CCDC169: variants seen among roughly 807,000 people sequenced by gnomAD.
The protein encoded by CCDC169 is coiled-coil domain-containing protein 169.
In CCDC169, 30 loss-of-function variants were observed where a neutral mutation model predicts 36.0. That is an observed-to-expected ratio of 0.83 (90% CI 0.62 to 1.13). CCDC169 has a LOEUF of 1.13. CCDC169 is among the 50% of genes most tolerant of loss of function. The pLI is 0.00. For synonymous variants in CCDC169, 85 were observed against 81.5 expected (o/e 1.04, Z -0.23); for missense variants, 245 against 245.9 (o/e 1.00, Z 0.03).
chr13:36,253,736 A>T (rs1463257633), intron 6 of CCDC169, 67 bp downstream of exon 6: 1 of 1,508,822 alleles, frequency 6.6e-7, no homozygotes, highest in East Asian at 2.5e-5. Context: ...AACAAAACCT[A>T]GAAAAGTGAA....
chr13:36,259,868 C>T (rs1243443549), intron 4 of CCDC169, among the ~76,000 whole-genome samples: 6 of 152,234 alleles, frequency 3.9e-5, no homozygotes, highest in African/African-American at 7.2e-5. Flanking sequence ...CAGACTCCCA[C>T]CAGGTGGTGG....
chr13:36,286,487 G>A (rs561295526), intron 2 of CCDC169, among the ~76,000 whole-genome samples: 4 of 152,264 alleles, frequency 2.6e-5, no homozygotes, highest in African/African-American at 9.6e-5. Flanking sequence ...TTGCCTGGGG[G>A]AGCCATTTGA....
downstream of CCDC169, chr13:36,224,195 T>A (rs1218191504): frequency 6.6e-6 from 1 of 152,156 alleles, no homozygotes; most frequent in East Asian, 1.9e-4. Flanking sequence ...TGTAATGCTC[T>A]CATCATTATT....
chr13:36,290,532 T>C (rs1406003787), intron 2 of CCDC169, among the ~76,000 whole-genome samples: 1 of 152,016 alleles, frequency 6.6e-6, no homozygotes, highest in Admixed American at 6.6e-5. Flanking sequence ...ATCGCAGAAG[T>C]GTATCATTGT....
At chr13:36,238,298 GCT>G (rs1871326748) in intron 7 of CCDC169, among the ~76,000 whole-genome samples, 1 of 152,048 alleles carries the variant, frequency 6.6e-6, no homozygotes, top group Admixed American at 6.6e-5. Context: ...ATGGGGTCTG[GCT>G]CTGTTGCCCA....
At chr13:36,253,739 A>G in intron 6 of CCDC169, 64 bp downstream of exon 6, 2 of 1,511,062 alleles carry the variant, frequency 1.3e-6, no homozygotes, top group Admixed American at 2.5e-5. Flanking sequence ...AAAACCTAGA[A>G]AAGTGAAAAA....
At chr13:36,290,405 G>A (rs1344766704) in intron 2 of CCDC169, among the ~76,000 whole-genome samples, 1 of 152,032 alleles carries the variant, frequency 6.6e-6, no homozygotes, top group African/African-American at 2.4e-5. Context: ...TTCCTTTCCT[G>A]TAACTGTCAG....
At chr13:36,290,842 A>G (rs890526323) in intron 2 of CCDC169, among the ~76,000 whole-genome samples, 1 of 152,118 alleles carries the variant, frequency 6.6e-6, no homozygotes, top group South Asian at 2.1e-4. Flanking sequence ...TTTGACTCTA[A>G]GTTCCTTGGC....
chr13:36,268,459 T>C (rs1875615700), intron 4 of CCDC169, among the ~76,000 whole-genome samples: 1 of 152,150 alleles, frequency 6.6e-6, no homozygotes, highest in East Asian at 1.9e-4. Context: ...AAACCTCTAG[T>C]ATACAGCAAA....
downstream of CCDC169, among the ~76,000 whole-genome samples, chr13:36,228,700 G>A (rs1870107394): frequency 6.6e-6 from 1 of 152,074 alleles, no homozygotes; most frequent in Non-Finnish European, 1.5e-5. Context: ...ACAGGCACGT[G>A]TCACCACAAC....
intron 4 of CCDC169, among the ~76,000 whole-genome samples, chr13:36,269,327 A>G (rs546747066): frequency 6.6e-6 from 1 of 152,338 alleles, no homozygotes; most frequent in African/African-American, 2.4e-5. Context: ...ATGGATTCAC[A>G]GCTAAATTCT....
At chr13:36,296,220 T>C (rs981653445) in intron 1 of CCDC169, among the ~76,000 whole-genome samples, 3 of 152,218 alleles carry the variant, frequency 2.0e-5, no homozygotes, top group Non-Finnish European at 4.4e-5. Flanking sequence ...GCCTCCTGAA[T>C]AGCTGGGATT....
chr13:36,267,507 T>C (rs1331134087), intron 4 of CCDC169, among the ~76,000 whole-genome samples: 1 of 152,084 alleles, frequency 6.6e-6, no homozygotes, highest in Non-Finnish European at 1.5e-5. Flanking sequence ...ACAGAACCTC[T>C]TGAAACCTTA....
chr13:36,231,085 T>C lies in CCDC169; in HGVS notation c.*108A>G. On this transcript the variant is annotated 3_prime_UTR_variant, in exon 8 of 8. Coordinates refer to ENST00000239859, the MANE Select transcript of CCDC169 (RefSeq NM_001144981.3). The stretch of plus-strand genomic sequence containing the variant: ...AGGAACTAAAGAAAAATGTGGCAGT[T>C]CTTATCTATTTTATTCCCTGAAGAA... The C allele has an allele frequency of 6.9e-7, 1 of 1,442,454 alleles. No homozygotes were observed. Among genetic ancestry groups the C allele is most frequent in the Non-Finnish European group, 9.1e-7 (1 of 1,101,674 alleles). 89.4% of individuals were successfully genotyped at this position (1,442,454 alleles called of 1,614,324 possible).
chr13:36,251,013 G>C (rs1951454695), intron 6 of CCDC169, among the ~76,000 whole-genome samples: 1 of 152,178 alleles, frequency 6.6e-6, no homozygotes, highest in African/African-American at 2.4e-5. Flanking sequence ...ATTATGTGCT[G>C]CAAAAAGCTC....
At chr13:36,250,120 A>G (rs1872967498) in intron 6 of CCDC169, among the ~76,000 whole-genome samples, 2 of 152,218 alleles carry the variant, frequency 1.3e-5, no homozygotes, top group Admixed American at 1.3e-4. Flanking sequence ...GTGCTTTGCA[A>G]GCATACAGGA....
At chr13:36,271,656 A>C (rs186589996) in intron 4 of CCDC169, among the ~76,000 whole-genome samples, 16 of 152,304 alleles carry the variant, frequency 1.1e-4, no homozygotes, top group Non-Finnish European at 2.9e-5. Flanking sequence ...GTAACACAGG[A>C]GTAGAAAACC....
downstream of CCDC169, chr13:36,224,549 A>G (rs1464815490): frequency 6.6e-6 from 1 of 152,162 alleles, no homozygotes; most frequent in Non-Finnish European, 1.5e-5. Flanking sequence ...ACATACACAA[A>G]GACATACACA....
At chr13:36,254,271 TG>T in intron 4 of CCDC169, 128 bp from the exon 5 acceptor site, 1 of 462,012 alleles carries the variant, frequency 2.2e-6, no homozygotes. Context: ...TTCTATGATA[TG>T]TACTTTTTTT....
Sources: allele counts gnomAD v4.1 joint callset (sites outside exome capture counted in the v4.1 genomes callset), GRCh38; gene constraint gnomAD v4.1.1; transcripts MANE v1.5; gene names NCBI Gene and HGNC (gene_info 2026-07-23, HGNC 2026-07-21).